Variants in PFKFB3 observed in about 807,000 individuals in gnomAD.
The protein encoded by PFKFB3 is 6-phosphofructo-2-kinase/fructose-2,6-biphosphatase 3, also known as 6-phosphofructo-2-kinase/fructose-2,6-bisphosphatase 3.
PFKFB3 carries 33 observed loss-of-function variants against 68.0 expected under a neutral mutation model. The ratio of observed to expected loss-of-function variants is 0.49; its 90% CI spans 0.37 to 0.65. The LOEUF (loss-of-function observed/expected upper bound fraction) is 0.65, where lower values mean the gene tolerates loss of function less well. PFKFB3 is among the 30% of genes least tolerant of loss of function. The pLI is 0.00. For missense variants in PFKFB3, 586 were observed against 712.2 expected, an observed-to-expected ratio of 0.82 and a Z score of 2.02; for synonymous variants, 315 against 288.2, an observed-to-expected ratio of 1.09 and a Z score of -0.94.
At chr10:6,262,410 A>C in the PFKFB3 span, among the ~76,000 whole-genome samples, 1 of 144,054 alleles carries the variant, frequency 6.9e-6, no homozygotes, top group East Asian at 2.1e-4. Context: ...AGCAGAGATC[A>C]CACCACTGCA....
At chr10:6,297,813 C>A in the PFKFB3 span, among the ~76,000 whole-genome samples, 837 of 152,230 alleles carry the variant, frequency 5.5e-3, 4 homozygotes, top group African/African-American at 0.019. Context: ...GTCCTCTTTC[C>A]TATCTGTGGG....
intron 1 of PFKFB3, among the ~76,000 whole-genome samples, chr10:6,157,380 C>T (rs1841838137): frequency 6.6e-6 from 1 of 152,018 alleles, no homozygotes; most frequent in Non-Finnish European, 1.5e-5. Context: ...GCGCCCGCCG[C>T]CCCGCCCAGC....
the PFKFB3 span, among the ~76,000 whole-genome samples, chr10:6,281,372 C>T: frequency 6.6e-6 from 1 of 151,732 alleles, no homozygotes; most frequent in African/African-American, 2.4e-5. Flanking sequence ...AGACTGCATC[C>T]TAGGGCATAC....
At chr10:6,324,785 ATT>A in the PFKFB3 span, among the ~76,000 whole-genome samples, 1 of 151,904 alleles carries the variant, frequency 6.6e-6, no homozygotes, top group Non-Finnish European at 1.5e-5. Context: ...TAAATGCCAA[ATT>A]TTATGTTATA....
At chr10:6,304,034 T>C in the PFKFB3 span, among the ~76,000 whole-genome samples, 1 of 152,090 alleles carries the variant, frequency 6.6e-6, no homozygotes, top group Non-Finnish European at 1.5e-5. Context: ...TGAGTCACCA[T>C]GTGGAGAAGC....
intron 1 of PFKFB3, among the ~76,000 whole-genome samples, chr10:6,157,075 G>C (rs1395839947): frequency 6.6e-6 from 1 of 151,252 alleles, no homozygotes; most frequent in East Asian, 2.0e-4. Context: ...CTGGGCCACA[G>C]AGCGAGACTC....
intron 1 of PFKFB3, among the ~76,000 whole-genome samples, chr10:6,155,206 T>TTTC (rs753763765): frequency 1.3e-4 from 5 of 37,680 alleles, no homozygotes; most frequent in Non-Finnish European, 1.8e-4. Flanking sequence ...AGTTTTTTTC[T>TTTC]TTTTTTTTTT....
At chr10:6,299,986 T>A in the PFKFB3 span, among the ~76,000 whole-genome samples, 1 of 148,578 alleles carries the variant, frequency 6.7e-6, no homozygotes, top group African/African-American at 2.5e-5. Flanking sequence ...TTTTTTTTTT[T>A]TTTTTTTTTT....
intron 1 of PFKFB3, among the ~76,000 whole-genome samples, chr10:6,192,771 G>C (rs1441010819): frequency 6.6e-6 from 1 of 151,558 alleles, no homozygotes; most frequent in African/African-American, 2.4e-5. Context: ...TCATAGAGCA[G>C]CCCAGATCAG....
downstream of PFKFB3, among the ~76,000 whole-genome samples, chr10:6,239,765 C>G (rs1032919911): frequency 6.6e-6 from 1 of 152,102 alleles, no homozygotes; most frequent in African/African-American, 2.4e-5. Context: ...CCTTGAACTC[C>G]CGGGCTCAAG....
At chr10:6,297,506 CT>C in the PFKFB3 span, among the ~76,000 whole-genome samples, 5,026 of 145,948 alleles carry the variant, frequency 0.034, 251 homozygotes, top group African/African-American at 0.11. Context: ...AGGTGTCCTT[CT>C]TTTTTTTTTT....
chr10:6,270,631 G>T, the PFKFB3 span, among the ~76,000 whole-genome samples: 61 of 152,226 alleles, frequency 4.0e-4, no homozygotes, highest in African/African-American at 1.4e-3. Flanking sequence ...GTAAGGGTCC[G>T]GTTCCCTCTT....
chr10:6,307,072 CAA>C, the PFKFB3 span, among the ~76,000 whole-genome samples: 1 of 152,146 alleles, frequency 6.6e-6, no homozygotes, highest in Non-Finnish European at 1.5e-5. Flanking sequence ...TATAATAGAA[CAA>C]AAGACTGACC....
At chr10:6,183,828 C>T (rs944081874) in intron 1 of PFKFB3, among the ~76,000 whole-genome samples, 4 of 150,838 alleles carry the variant, frequency 2.7e-5, no homozygotes, top group African/African-American at 7.3e-5. Flanking sequence ...GTTGGGACTA[C>T]AGACAACTGC....
intron 1 of PFKFB3, among the ~76,000 whole-genome samples, chr10:6,211,871 C>T (rs1044217925): frequency 2.6e-5 from 4 of 152,214 alleles, no homozygotes; most frequent in East Asian, 1.9e-4. Context: ...GACAAAGGCC[C>T]GGCATGCCAT....
At position 6,233,017 on chromosome 10, in the gene PFKFB3, CG is replaced by C; in HGVS notation, c.*76del. The C allele has an allele frequency of 8.4e-7, 1 of 1,197,522 alleles. No individual in the cohort carries two copies. The highest frequency in any genetic ancestry group is 1.2e-5 in the South Asian group (1 of 82,480). 74.2% of individuals were successfully genotyped at this position (1,197,522 alleles called of 1,614,324 possible). ...GTCCTGCCCTCCGCCCGAGGCAAAACGTATCCTGAGGACTTCTTCCGGAGAG... is the reference window on the plus strand; with the variant it reads ...GTCCTGCCCTCCGCCCGAGGCAAAACTATCCTGAGGACTTCTTCCGGAGAG... On this transcript the variant is annotated 3_prime_UTR_variant, in exon 15 of 15. Transcript: ENST00000379775.
Position 6,215,773 on chromosome 10 carries a change from T to G in PFKFB3, c.300-352T>G, listed in dbSNP as rs1481331667. ...GCAAGGGTGTTCAGCCCCGGCTGTA[T>G]GCTGGAGTCTCCTGGGGGATGCTAA... On this transcript the variant is annotated intron_variant, in intron 3 of 14. Coordinates refer to ENST00000379775, the MANE Select transcript of PFKFB3 (RefSeq NM_004566.4). This position sits in a 1 kb window ranked among gnomAD's most constrained non-coding sequence, Gnocchi z 4.3. 2.0e-5 allele frequency among the ~76,000 whole-genome samples: 3 copies of G among 152,216 alleles called. No homozygotes were observed. The highest frequency in any genetic ancestry group is 4.4e-5 in the Non-Finnish European group (3 of 68,032).
At chr10:6,323,192 A>C in the PFKFB3 span, among the ~76,000 whole-genome samples, 1 of 152,234 alleles carries the variant, frequency 6.6e-6, no homozygotes, top group South Asian at 2.1e-4. Context: ...TCAGAGATTT[A>C]CTATGGGAAT....
chr10:6,213,830 C>T (rs1844391255), intron 2 of PFKFB3, 82 bp downstream of exon 2: 8 of 1,502,560 alleles, frequency 5.3e-6, no homozygotes, highest in African/African-American at 2.7e-5. Context: ...ACAGGCAGGA[C>T]CACCCCTGGG....
Sources: allele counts gnomAD v4.1 joint callset (sites outside exome capture counted in the v4.1 genomes callset), GRCh38; gene constraint gnomAD v4.1.1; non-coding constraint Gnocchi (gnomAD v3.1); transcripts MANE v1.5; gene names NCBI Gene and HGNC (gene_info 2026-07-23, HGNC 2026-07-21).